ARHGEF3: variants seen among roughly 807,000 people sequenced by gnomAD.
ARHGEF3 encodes the protein 59.8 kDA protein.
Under a neutral mutation model 63.2 loss-of-function variants are expected in ARHGEF3, and 28 were observed. That is an observed-to-expected ratio of 0.44 (90% CI 0.33 to 0.61). ARHGEF3 has a LOEUF of 0.61. Ranked by LOEUF, ARHGEF3 falls within the 20% of genes least tolerant of loss-of-function variation. The pLI is 0.03. For missense variants in ARHGEF3, 533 were observed against 659.3 expected (o/e 0.81, Z 2.10); for synonymous variants, 266 against 254.2 (o/e 1.05, Z -0.44).
At chr3:56,966,867 TA>T (rs1578974024) in intron 2 of ARHGEF3, among the ~76,000 whole-genome samples, 2 of 150,410 alleles carry the variant, frequency 1.3e-5, no homozygotes, top group African/African-American at 2.4e-5. Context: ...TTATTATTAT[TA>T]TTATTTTTTA....
chr3:56,741,184 C>CTTCTT (rs1553743378), intron 7 of ARHGEF3, among the ~76,000 whole-genome samples: 1 of 128,872 alleles, frequency 7.8e-6, no homozygotes, highest in Non-Finnish European at 1.6e-5. Flanking sequence ...TGCTTTGGTT[C>CTTCTT]TTTTTTTTTT....
At chr3:56,848,027 A>G (rs1481774808) in intron 4 of ARHGEF3, among the ~76,000 whole-genome samples, 1 of 152,186 alleles carries the variant, frequency 6.6e-6, no homozygotes, top group Non-Finnish European at 1.5e-5. Context: ...CGACTACAAT[A>G]AGCACCATGG....
At chr3:57,041,468 A>G (rs1704184246) in intron 1 of ARHGEF3, among the ~76,000 whole-genome samples, 2 of 152,216 alleles carry the variant, frequency 1.3e-5, no homozygotes, top group Admixed American at 1.3e-4. Flanking sequence ...CTCTGCTTCC[A>G]TAACAACCCC....
chr3:56,835,769 C>A (rs113951703), intron 4 of ARHGEF3, among the ~76,000 whole-genome samples: 1 of 152,106 alleles, frequency 6.6e-6, no homozygotes, highest in Non-Finnish European at 1.5e-5. Context: ...GTCCAACACA[C>A]CCCAGGCCGG....
intron 1 of ARHGEF3, among the ~76,000 whole-genome samples, chr3:57,070,734 G>A (rs1705841427): frequency 6.6e-6 from 1 of 152,062 alleles, no homozygotes; most frequent in African/African-American, 2.4e-5. Flanking sequence ...CAAGGTGGGA[G>A]GACTACTTGA....
At chr3:57,044,104 A>G (rs1704345139) in intron 1 of ARHGEF3, among the ~76,000 whole-genome samples, 1 of 152,150 alleles carries the variant, frequency 6.6e-6, no homozygotes, top group Admixed American at 6.5e-5. Flanking sequence ...CCTTCACCCA[A>G]TCACACCAAT....
intron 4 of ARHGEF3, among the ~76,000 whole-genome samples, chr3:56,815,083 G>A (rs1057335799): frequency 2.0e-5 from 3 of 151,890 alleles, no homozygotes; most frequent in African/African-American, 7.3e-5. Context: ...GTTTGAGGCT[G>A]CAGTGAGCTA....
chr3:56,775,277 G>C (rs187809197), intron 1 of ARHGEF3: 1 of 1,270,052 alleles, frequency 7.9e-7, no homozygotes, highest in East Asian at 3.3e-5. Flanking sequence ...ATCCTGCTGA[G>C]ACACTCTCAT....
Position 56,931,834 on chromosome 3 carries a change from T to A in ARHGEF3, c.129+26989A>T, listed in dbSNP as rs142498186. On this transcript the variant is annotated intron_variant, in intron 3 of 12. Coordinates refer to the ARHGEF3 transcript ENST00000338458. ...ACCTATTAATTCCTTGGAATATGAA[T>A]CTTTTGGTCCAGGATGATTGCTTTA... Among the ~76,000 whole-genome samples the A allele has an allele frequency of 4.3e-4, 65 of 152,286 alleles. No individual in the cohort carries two copies. In the South Asian group the frequency reaches 7.2e-3, roughly 17 times the overall value.
At chr3:57,015,658 T>A (rs1702966261) in intron 2 of ARHGEF3, among the ~76,000 whole-genome samples, 1 of 150,090 alleles carries the variant, frequency 6.7e-6, no homozygotes, top group African/African-American at 2.4e-5. Flanking sequence ...CCCAGGCTGG[T>A]CTCAAACGCC....
At chr3:57,014,431 T>G (rs77327932) in intron 2 of ARHGEF3, among the ~76,000 whole-genome samples, 2,491 of 152,158 alleles carry the variant, frequency 0.016, 78 homozygotes, top group African/African-American at 0.057. Context: ...ACTCCCATAT[T>G]CCAGAAGAAA....
At chr3:56,855,952 T>C (rs1247299464) in intron 4 of ARHGEF3, among the ~76,000 whole-genome samples, 1 of 152,266 alleles carries the variant, frequency 6.6e-6, no homozygotes, top group Non-Finnish European at 1.5e-5. Flanking sequence ...AAGTGTCATT[T>C]TTCAATTCCA....
intron 2 of ARHGEF3, among the ~76,000 whole-genome samples, chr3:56,996,884 A>ATTTT (rs1197687007): frequency 2.8e-5 from 3 of 105,926 alleles, no homozygotes; most frequent in East Asian, 4.8e-4. Context: ...TATTATTATT[A>ATTTT]TTATTATTTT....
chr3:56,957,102 G>A (rs1314126609), intron 3 of ARHGEF3, among the ~76,000 whole-genome samples: 2 of 152,148 alleles, frequency 1.3e-5, no homozygotes, highest in African/African-American at 2.4e-5. Context: ...CACACAACTG[G>A]ATACACTTTG....
chr3:57,014,974 T>C (rs9879298), intron 2 of ARHGEF3, among the ~76,000 whole-genome samples: 4,022 of 151,980 alleles, frequency 0.026, 178 homozygotes, highest in African/African-American at 0.091. Flanking sequence ...CGTGAGCCAC[T>C]GTGCCCGGCC....
At chr3:56,960,821 C>G (rs1251520915) in intron 2 of ARHGEF3, 1 of 152,144 alleles carries the variant, frequency 6.6e-6, no homozygotes. Flanking sequence ...TGGCCTAAGT[C>G]CTTCTGAAAA....
At chr3:56,961,543 C>T (rs975288026) in intron 2 of ARHGEF3, among the ~76,000 whole-genome samples, 3 of 152,200 alleles carry the variant, frequency 2.0e-5, no homozygotes, top group African/African-American at 4.8e-5. Flanking sequence ...CAGGGCTTCC[C>T]ACCATCAGGC....
intron 2 of ARHGEF3, among the ~76,000 whole-genome samples, chr3:56,969,684 T>C (rs971105344): frequency 2.0e-5 from 3 of 150,276 alleles, no homozygotes; most frequent in African/African-American, 7.3e-5. Context: ...GGCAGGAGAA[T>C]TGCTTGAACC....
intron 2 of ARHGEF3, among the ~76,000 whole-genome samples, chr3:57,028,726 G>T (rs1214154921): frequency 1.5e-5 from 2 of 132,290 alleles, no homozygotes; most frequent in African/African-American, 6.0e-5. Flanking sequence ...AAAAAAAAAA[G>T]AACCCTTTTT....
Sources: gnomAD v4.1 joint callset for allele counts (sites outside exome capture counted in the v4.1 genomes callset) on GRCh38, gnomAD v4.1.1 for gene constraint, MANE v1.5 for transcripts, NCBI Gene and HGNC (gene_info 2026-07-23, HGNC 2026-07-21) for gene names.